NMNAT2: variants seen among roughly 807,000 people sequenced by gnomAD.
NMNAT2 encodes the protein nicotinamide nucleotide adenylyltransferase 2.
Under a neutral mutation model 41.6 loss-of-function variants are expected in NMNAT2, and 11 were observed. That is an observed-to-expected ratio of 0.26 (90% CI 0.17 to 0.44). NMNAT2 has a LOEUF of 0.44. NMNAT2 is among the 20% of genes least tolerant of loss of function. The pLI is 1.00. For missense variants in NMNAT2, 288 were observed against 407.7 expected, an observed-to-expected ratio of 0.71 and a Z score of 2.53; for synonymous variants, 148 against 151.2, an observed-to-expected ratio of 0.98 and a Z score of 0.16.
intron 1 of NMNAT2, among the ~76,000 whole-genome samples, chr1:183,370,797 C>T (rs955149280): frequency 3.3e-5 from 5 of 152,328 alleles, no homozygotes; most frequent in Middle Eastern, 6.8e-3. Context: ...AACACTGACG[C>T]TGTAAAAAGC....
At chr1:183,325,256 C>T (rs1662437354) in intron 1 of NMNAT2, among the ~76,000 whole-genome samples, 1 of 152,206 alleles carries the variant, frequency 6.6e-6, no homozygotes, top group Non-Finnish European at 1.5e-5. Context: ...ATTTCAGCTT[C>T]CCAACTCCAA....
chr1:183,286,292 A>G (rs892330744), intron 5 of NMNAT2, among the ~76,000 whole-genome samples: 4 of 151,682 alleles, frequency 2.6e-5, no homozygotes, highest in African/African-American at 9.7e-5. Flanking sequence ...GGGTTTCGTC[A>G]TGTTGCCCAG....
At chr1:183,415,502 C>G (rs968809944) in intron 1 of NMNAT2, among the ~76,000 whole-genome samples, 2 of 152,114 alleles carry the variant, frequency 1.3e-5, no homozygotes, top group Admixed American at 6.5e-5. Flanking sequence ...TGGAATTATG[C>G]AGTCAGAAGA....
chr1:183,412,372 T>TCCC (rs1239679527), intron 1 of NMNAT2, among the ~76,000 whole-genome samples: 1 of 152,174 alleles, frequency 6.6e-6, no homozygotes, highest in African/African-American at 2.4e-5. Context: ...TACAGGCATG[T>TCCC]GCCACCACGC....
intron 1 of NMNAT2, among the ~76,000 whole-genome samples, chr1:183,341,559 G>C (rs969995817): frequency 1.4e-5 from 2 of 147,594 alleles, no homozygotes; most frequent in Non-Finnish European, 3.0e-5. Context: ...GCCAGGCATG[G>C]TGGCAGGCAC....
In NMNAT2 at chr1:183,338,149, TA is replaced by T. The variant is rs59064477; in HGVS notation, c.86-44357del. Reference sequence around the variant, plus strand: ...CAACATAGTGAGACCCCCATCTCTTTAAAAAAAAAAAAAAAAAAAGCAAATG... The same window carrying T: ...CAACATAGTGAGACCCCCATCTCTTTAAAAAAAAAAAAAAAAAAGCAAATG... On this transcript the variant is annotated intron_variant, in intron 1 of 10. Transcript: ENST00000287713. Among the ~76,000 whole-genome samples, 140 of 96,410 alleles carry T rather than the reference TA, an allele frequency of 1.5e-3. 1 individual carries two copies. Among genetic ancestry groups the T allele is most frequent in the East Asian group, 0.014 (36 of 2,646 alleles). The allele number at this position is 96,410 out of a possible 152,430, so 63.2% of individuals were successfully genotyped here. A position where few individuals can be genotyped will look rare whatever the true frequency, so the allele number is the denominator to read the frequency against.
At chr1:183,267,823 G>C (rs1348231345) in intron 8 of NMNAT2, among the ~76,000 whole-genome samples, 1 of 152,092 alleles carries the variant, frequency 6.6e-6, no homozygotes, top group Non-Finnish European at 1.5e-5. Context: ...CAATGCGGTA[G>C]AACTGTCCTG....
At chr1:183,310,966 C>T (rs941715173) in intron 1 of NMNAT2, among the ~76,000 whole-genome samples, 11 of 152,124 alleles carry the variant, frequency 7.2e-5, no homozygotes, top group Admixed American at 4.6e-4. Context: ...AAATCTCCCA[C>T]ATGACAAAGG....
rs568297986 is a variant in NMNAT2, at chr1:183,290,358, C to G, written c.243-152G>C. 1.0e-5 allele frequency: 6 copies of G among 591,122 alleles called. No homozygotes were observed. The African/African-American group carries it at 1.1e-4, about 11-fold the overall frequency. 36.6% of individuals were successfully genotyped at this position (591,122 alleles called of 1,614,324 possible). A position where few individuals can be genotyped will look rare whatever the true frequency, so the allele number is the denominator to read the frequency against. The stretch of plus-strand genomic sequence containing the variant: ...TCAGATAAAACCTGGGTGTGAAACA[C>G]TCTTCTGAGCTTCAGTTTCCTCCTC... On this transcript the variant is annotated intron_variant, in intron 3 of 10. Transcript: ENST00000287713.
At chr1:183,379,356 T>A (rs1663753501) in intron 1 of NMNAT2, among the ~76,000 whole-genome samples, 1 of 151,910 alleles carries the variant, frequency 6.6e-6, no homozygotes, top group Non-Finnish European at 1.5e-5. Context: ...AATTATTTTG[T>A]TTTTTGTAGA....
At chr1:183,330,497 C>T (rs949821064) in intron 1 of NMNAT2, among the ~76,000 whole-genome samples, 7 of 152,114 alleles carry the variant, frequency 4.6e-5, no homozygotes, top group Non-Finnish European at 7.4e-5. Flanking sequence ...ATGGTCCCTA[C>T]CTACACTCCC....
rs1394888473 is a variant in NMNAT2, at chr1:183,340,306, GTTTCCCTGGGTTAGCTTTTTTTTTT to G, written c.86-46538_86-46514del. 2.0e-5 allele frequency among the ~76,000 whole-genome samples: 3 copies of G among 146,498 alleles called. No homozygotes were observed. In the East Asian group the frequency reaches 6.2e-4, roughly 30 times the overall value. On this transcript the variant is annotated intron_variant, in intron 1 of 10. Coordinates refer to ENST00000287713, the MANE Select transcript of NMNAT2 (RefSeq NM_015039.4). ...TGATAGCCATTTGGATCCTGGCACTGTTTCCCTGGGTTAGCTTTTTTTTTTTTTTTTTTTGAGATGGATTGTTGCT... is the reference window on the plus strand; with the variant it reads ...TGATAGCCATTTGGATCCTGGCACTGTTTTTTTTTGAGATGGATTGTTGCT...
At chr1:183,271,408 C>T (rs947874055) in intron 8 of NMNAT2, among the ~76,000 whole-genome samples, 4 of 152,206 alleles carry the variant, frequency 2.6e-5, no homozygotes, top group African/African-American at 7.2e-5. Context: ...CAGTCCTGCT[C>T]ACAATTCAAA....
At chr1:183,253,305 TATATTATATTATTTATATAAGTGTTA>T (rs1660440267) in intron 10 of NMNAT2, among the ~76,000 whole-genome samples, 1 of 148,084 alleles carries the variant, frequency 6.8e-6, no homozygotes, top group Admixed American at 6.8e-5. Context: ...AATATTATAT[TATATTATATTATTTATATAAGTGTTA>T]ATATTATATT....
intron 1 of NMNAT2, among the ~76,000 whole-genome samples, chr1:183,298,083 T>C (rs781523489): frequency 1.9e-4 from 29 of 152,202 alleles, no homozygotes; most frequent in Non-Finnish European, 3.5e-4. Flanking sequence ...TGCAAAAACC[T>C]GCAACTAACA....
intron 1 of NMNAT2, among the ~76,000 whole-genome samples, chr1:183,347,453 C>T (rs71632177): frequency 6.6e-6 from 1 of 152,100 alleles, no homozygotes; most frequent in Non-Finnish European, 1.5e-5. Flanking sequence ...AAGACCCTAT[C>T]TCTCTAAAAA....
At chr1:183,391,166 C>A (rs1571634744) in intron 1 of NMNAT2, among the ~76,000 whole-genome samples, 1 of 152,136 alleles carries the variant, frequency 6.6e-6, no homozygotes, top group African/African-American at 2.4e-5. Context: ...TTGCCTGCTT[C>A]TTCTCTCTTC....
chr1:183,292,843 G>A lies in NMNAT2; in HGVS notation c.189C>T (p.Ser63=). The A allele has an allele frequency of 6.2e-7, 1 of 1,613,992 alleles. No individual in the cohort carries two copies. Among genetic ancestry groups the A allele is most frequent in the Middle Eastern group, 1.6e-4 (1 of 6,062 alleles). Residue 63 remains serine, a synonymous_variant, in exon 3 of 11, where the codon AGC becomes AGT. Coordinates refer to ENST00000287713, the MANE Select transcript of NMNAT2 (RefSeq NM_015039.4). Reference sequence around the variant, plus strand: ...GCTGACACATGATGAGACGGTGCCGGCTTGACACGAGGCCCTGGGAAGCAA... The same window carrying A: ...GCTGACACATGATGAGACGGTGCCGACTTGACACGAGGCCCTGGGAAGCAA... ...DSYGKQGLVS[S]RHRLIMCQLA... is the part of the protein sequence containing the mutation.
chr1:183,331,222 A>C (rs997322506), intron 1 of NMNAT2, among the ~76,000 whole-genome samples: 2 of 135,518 alleles, frequency 1.5e-5, no homozygotes, highest in African/African-American at 5.1e-5. Flanking sequence ...TGGAACTGGA[A>C]AGAGGGCAGA....
Sources: allele counts gnomAD v4.1 joint callset (sites outside exome capture counted in the v4.1 genomes callset), GRCh38; gene constraint gnomAD v4.1.1; transcripts MANE v1.5; gene names NCBI Gene and HGNC (gene_info 2026-07-23, HGNC 2026-07-21).